HECW2: variants seen among roughly 807,000 people sequenced by gnomAD.
HECW2 encodes E3 ubiquitin-protein ligase HECW2.
In HECW2, 61 loss-of-function variants were observed where a neutral mutation model predicts 175.2. That is an observed-to-expected ratio of 0.35 (90% CI 0.28 to 0.43). HECW2 has a LOEUF of 0.43. HECW2 is among the 20% of genes least tolerant of loss of function. HECW2 has a pLI of 1.00. For missense variants in HECW2, 1,524 were observed against 2,000.5 expected, an observed-to-expected ratio of 0.76 and a Z score of 4.54; for synonymous variants, 671 against 731.0, an observed-to-expected ratio of 0.92 and a Z score of 1.32.
intron 1 of HECW2, among the ~76,000 whole-genome samples, chr2:196,447,874 G>A (rs1247329634): frequency 6.6e-6 from 1 of 152,090 alleles, no homozygotes; most frequent in Non-Finnish European, 1.5e-5. Context: ...TGGCCAATAT[G>A]GTGAAACCCC....
intron 1 of HECW2, among the ~76,000 whole-genome samples, chr2:196,532,050 T>C: frequency 6.6e-6 from 1 of 152,212 alleles, no homozygotes; most frequent in East Asian, 1.9e-4. Context: ...GCATCTAACA[T>C]TACGATCTTC....
chr2:196,585,842 G>A lies in HECW2; in HGVS notation c.-36+7666C>T, dbSNP rs562094685. ...TTATGTCCTGAAAACCTTAGAGTAT[G>A]AAGTCCATTTGGATAAAATGAAGTG... On this transcript the variant is annotated intron_variant, in intron 1 of 28. Transcript: ENST00000644978. Among the ~76,000 whole-genome samples, 50 of 152,312 alleles carry A rather than the reference G, an allele frequency of 3.3e-4. 1 individual carries two copies. Among genetic ancestry groups the A allele is most frequent in the African/African-American group, 1.2e-3 (50 of 41,560 alleles).
intron 2 of HECW2, among the ~76,000 whole-genome samples, chr2:196,399,660 A>T (rs1004061056): frequency 2.6e-5 from 4 of 152,240 alleles, no homozygotes; most frequent in Non-Finnish European, 5.9e-5. Context: ...AGGTAACAAA[A>T]ACAAAAGTGG....
chr2:196,536,569 C>T (rs1689029787), intron 1 of HECW2, among the ~76,000 whole-genome samples: 1 of 152,184 alleles, frequency 6.6e-6, no homozygotes, highest in African/African-American at 2.4e-5. Context: ...TTTTAAAAAA[C>T]TTTTGTTCCC....
chr2:196,335,683 A>T (rs1031558622), intron 3 of HECW2, among the ~76,000 whole-genome samples: 1 of 152,228 alleles, frequency 6.6e-6, no homozygotes, highest in African/African-American at 2.4e-5. Flanking sequence ...CTACCAATGA[A>T]CAAATACTAA....
chr2:196,436,518 A>G (rs1449592156), intron 1 of HECW2, among the ~76,000 whole-genome samples: 1 of 152,200 alleles, frequency 6.6e-6, no homozygotes, highest in Non-Finnish European at 1.5e-5. Context: ...ACAACAGAGC[A>G]AAAGTCAAAG....
chr2:196,352,299 G>A (rs1428758080), intron 2 of HECW2, among the ~76,000 whole-genome samples: 1 of 152,170 alleles, frequency 6.6e-6, no homozygotes, highest in Non-Finnish European at 1.5e-5. Flanking sequence ...GATTTGCTGA[G>A]AACAGTGTGC....
intron 1 of HECW2, among the ~76,000 whole-genome samples, chr2:196,546,897 G>C (rs1484799941): frequency 6.6e-6 from 1 of 151,854 alleles, no homozygotes; most frequent in Non-Finnish European, 1.5e-5. Flanking sequence ...AAAGCTATGA[G>C]GACACTAGGG....
intron 1 of HECW2, among the ~76,000 whole-genome samples, chr2:196,550,388 T>C (rs1483734451): frequency 1.3e-5 from 2 of 152,084 alleles, no homozygotes; most frequent in Non-Finnish European, 2.9e-5. Context: ...TTCCCTGTCA[T>C]TCCAGATATA....
intron 26 of HECW2, chr2:196,217,612 T>C (rs1187104692): frequency 1.3e-5 from 2 of 152,246 alleles, no homozygotes; most frequent in Non-Finnish European, 2.9e-5. Context: ...ATAATATTCA[T>C]ACTTTAAAAT....
chr2:196,493,680 CAG>C (rs1460529885), intron 1 of HECW2, among the ~76,000 whole-genome samples: 1 of 152,072 alleles, frequency 6.6e-6, no homozygotes, highest in Admixed American at 6.5e-5. Flanking sequence ...TGATTTAAGC[CAG>C]AGACAGAAGA....
At chr2:196,399,999 A>G (rs77578205) in intron 2 of HECW2, among the ~76,000 whole-genome samples, 3,117 of 152,316 alleles carry the variant, frequency 0.02, 38 homozygotes, top group Middle Eastern at 0.068. Flanking sequence ...GAATTACTAC[A>G]GTAATTAATA....
chr2:196,384,279 C>T (rs764362698), intron 2 of HECW2, among the ~76,000 whole-genome samples: 1 of 152,008 alleles, frequency 6.6e-6, no homozygotes, highest in Non-Finnish European at 1.5e-5. Flanking sequence ...CTCTCACAGG[C>T]TACATAAAAA....
At chr2:196,338,641 T>A (rs1451970572) in intron 3 of HECW2, among the ~76,000 whole-genome samples, 1 of 152,224 alleles carries the variant, frequency 6.6e-6, no homozygotes, top group Non-Finnish European at 1.5e-5. Flanking sequence ...AGGCAGTAGT[T>A]AACAGCCTGT....
At chr2:196,570,537 C>A (rs1401960156) in intron 1 of HECW2, among the ~76,000 whole-genome samples, 1 of 152,090 alleles carries the variant, frequency 6.6e-6, no homozygotes, top group African/African-American at 2.4e-5. Context: ...GAACATCACA[C>A]CCCGGGGCCT....
intron 2 of HECW2, among the ~76,000 whole-genome samples, chr2:196,419,961 G>C (rs1528394): frequency 0.95 from 144,334 of 152,220 alleles, 68,529 homozygotes; most frequent in East Asian, 1. Context: ...AAGGCATTAC[G>C]ATGGTTCTGG....
At chr2:196,402,624 C>A (rs1694851383) in intron 2 of HECW2, among the ~76,000 whole-genome samples, 1 of 152,124 alleles carries the variant, frequency 6.6e-6, no homozygotes, top group African/African-American at 2.4e-5. Context: ...GTATCTAATA[C>A]ACATTGTCAC....
chr2:196,401,401 C>T (rs1273017573), intron 2 of HECW2, among the ~76,000 whole-genome samples: 1 of 152,110 alleles, frequency 6.6e-6, no homozygotes, highest in Non-Finnish European at 1.5e-5. Context: ...TACACTTGTG[C>T]ATATGTGTTT....
In HECW2 at chr2:196,278,636, G is replaced by A; in HGVS notation, c.3027C>T (p.Arg1009=). 1 of 1,614,082 alleles carries A rather than the reference G, an allele frequency of 6.2e-7. No homozygotes were observed. Among genetic ancestry groups the A allele is most frequent in the South Asian group, 1.1e-5 (1 of 91,072 alleles). ...GCCGGGGATCAATGAAAGTGGTGGT[G>A]CGGGAGTTGTGGTCCACAAAGAATG... The part of the protein sequence containing the change: ...GKAFFVDHNS[R]TTTFIDPRLP... Residue 1009 remains arginine, a synonymous_variant, in exon 15 of 29, where the codon CGC becomes CGT. Coordinates refer to ENST00000644978, the MANE Select transcript of HECW2 (RefSeq NM_001348768.2).
Sources: gnomAD v4.1 joint callset for allele counts (sites outside exome capture counted in the v4.1 genomes callset) on GRCh38, gnomAD v4.1.1 for gene constraint, MANE v1.5 for transcripts, NCBI Gene and HGNC (gene_info 2026-07-23, HGNC 2026-07-21) for gene names.